Variants in CPED1 observed in about 807,000 individuals in gnomAD.
CPED1 encodes the protein cadherin like and PC-esterase domain containing 1.
CPED1 carries 114 observed loss-of-function variants against 128.2 expected under a neutral mutation model. That is an observed-to-expected ratio of 0.89 (90% CI 0.76 to 1.04). CPED1 has a LOEUF of 1.04. Ranked by LOEUF, CPED1 falls within the 50% of genes least tolerant of loss-of-function variation. The probability of loss-of-function intolerance (pLI) is 0.00; values close to 1 mark genes in which losing one functional copy is unlikely to be tolerated. For missense variants in CPED1, 1,211 were observed against 1,207.1 expected (o/e 1.00, Z -0.05); for synonymous variants, 462 against 426.7 (o/e 1.08, Z -1.02).
At chr7:121,207,185 A>G (rs1165326603) in intron 16 of CPED1, among the ~76,000 whole-genome samples, 1 of 152,000 alleles carries the variant, frequency 6.6e-6, no homozygotes, top group Non-Finnish European at 1.5e-5. Flanking sequence ...CTTTGCTACC[A>G]TAAATATTCC....
intron 18 of CPED1, among the ~76,000 whole-genome samples, chr7:121,252,513 C>T: frequency 6.6e-6 from 1 of 151,668 alleles, no homozygotes; most frequent in Non-Finnish European, 1.5e-5. Context: ...AAGAAACTAC[C>T]ATCAGAGTGA....
chr7:121,001,211 G>A (rs981491296), intron 2 of CPED1, among the ~76,000 whole-genome samples: 1 of 152,118 alleles, frequency 6.6e-6, no homozygotes, highest in African/African-American at 2.4e-5. Context: ...ATTCCACGGG[G>A]TTTCCAGGGA....
intron 16 of CPED1, among the ~76,000 whole-genome samples, chr7:121,173,711 A>G (rs2116475610): frequency 6.6e-6 from 1 of 152,168 alleles, no homozygotes; most frequent in Non-Finnish European, 1.5e-5. Flanking sequence ...ACGTGTCTTT[A>G]TGGTAGAATG....
chr7:121,027,950 G>A (rs117051948), intron 3 of CPED1, among the ~76,000 whole-genome samples: 3 of 152,138 alleles, frequency 2.0e-5, no homozygotes, highest in East Asian at 3.9e-4. Flanking sequence ...GATGAGGAGA[G>A]CAGAGGCGAC....
chr7:121,134,538 T>C (rs1247819018), intron 13 of CPED1, among the ~76,000 whole-genome samples: 1 of 152,014 alleles, frequency 6.6e-6, no homozygotes, highest in Non-Finnish European at 1.5e-5. Flanking sequence ...AAAAGTGGGA[T>C]GACTATTGTT....
chr7:121,060,283 G>GC (rs1793624064), intron 4 of CPED1, among the ~76,000 whole-genome samples: 1 of 152,234 alleles, frequency 6.6e-6, no homozygotes, highest in Middle Eastern at 3.2e-3. Flanking sequence ...GCTCCACGGC[G>GC]CCCAGTCCCA....
intron 12 of CPED1, among the ~76,000 whole-genome samples, chr7:121,133,310 G>T (rs1228406433): frequency 6.6e-6 from 1 of 152,108 alleles, no homozygotes; most frequent in Non-Finnish European, 1.5e-5. Flanking sequence ...AGAAAATTAG[G>T]TGAACACACC....
At chr7:121,277,724 T>A (rs909634279) in intron 22 of CPED1, among the ~76,000 whole-genome samples, 8 of 152,000 alleles carry the variant, frequency 5.3e-5, no homozygotes, top group Non-Finnish European at 8.8e-5. Context: ...ATGTGTGAGG[T>A]CATGCAGGTT....
intron 18 of CPED1, among the ~76,000 whole-genome samples, 176 bp downstream of exon 18, chr7:121,244,514 T>A (rs545529430): frequency 3.4e-4 from 52 of 152,334 alleles, no homozygotes; most frequent in Admixed American, 6.5e-4. Flanking sequence ...GCCTGAACAA[T>A]TCCCGCTCCA....
Position 121,199,547 on chromosome 7 carries a change from C to T in CPED1, c.2056-37167C>T, listed in dbSNP as rs1312672098. Among the ~76,000 whole-genome samples the T allele has an allele frequency of 2.6e-5, 4 of 151,030 alleles. No individual in the cohort carries two copies. In the East Asian group the frequency reaches 7.8e-4, roughly 30 times the overall value. On this transcript the variant is annotated intron_variant, in intron 16 of 22. Transcript: ENST00000310396. ...CAAAAATTAGCTGGGGGTGGTGGTG[C>T]ACACCTGTAGTCCCAGCTACTCAGA...
rs551191283 is a variant in CPED1, at chr7:121,187,972, C to T, written c.2055+45831C>T. Among the ~76,000 whole-genome samples the T allele has an allele frequency of 6.6e-5, 10 of 152,210 alleles. 1 individual carries two copies. The highest frequency in any genetic ancestry group is 6.2e-4 in the South Asian group (3 of 4,818). ...TGTAATGTTCATGTTTTGTTAGGCT[C>T]ATGATTCAAACAAACCAACTGTTTA... On this transcript the variant is annotated intron_variant, in intron 16 of 22. Coordinates refer to ENST00000310396, the MANE Select transcript of CPED1 (RefSeq NM_024913.5).
chr7:121,000,477 G>A (rs1282498294), intron 2 of CPED1, among the ~76,000 whole-genome samples: 6 of 152,052 alleles, frequency 3.9e-5, no homozygotes, highest in Non-Finnish European at 7.4e-5. Context: ...GGGTATTTAC[G>A]ATCCAAAATA....
At chr7:121,047,415 C>T (rs2538484) in intron 4 of CPED1, among the ~76,000 whole-genome samples, 1,743 of 152,074 alleles carry the variant, frequency 0.011, 31 homozygotes, top group African/African-American at 0.039. Flanking sequence ...TTAGTACTTA[C>T]TCTTTATATC....
intron 3 of CPED1, among the ~76,000 whole-genome samples, chr7:121,043,073 A>G (rs143368322): frequency 6.7e-6 from 1 of 148,794 alleles, no homozygotes; most frequent in East Asian, 1.9e-4. Context: ...ATGAGCATTT[A>G]CTCCAGTGCT....
At chr7:121,148,867 T>C (rs1353143019) in intron 16 of CPED1, among the ~76,000 whole-genome samples, 1 of 152,208 alleles carries the variant, frequency 6.6e-6, no homozygotes. Flanking sequence ...CTTCTCCGAC[T>C]GAAAAGTTTG....
At chr7:121,164,582 A>G (rs1490497021) in intron 16 of CPED1, among the ~76,000 whole-genome samples, 10 of 152,172 alleles carry the variant, frequency 6.6e-5, no homozygotes, top group Non-Finnish European at 1.5e-4. Flanking sequence ...GTGACTTTCC[A>G]GCTGATGCTG....
In CPED1 at chr7:121,186,744, C is replaced by T. The variant is rs1420344279; in HGVS notation, c.2055+44603C>T. Among the ~76,000 whole-genome samples the T allele has an allele frequency of 2.6e-5, 4 of 152,110 alleles. No individual in the cohort carries two copies. The South Asian group carries it at 6.2e-4, about 24-fold the overall frequency. Reference sequence around the variant, plus strand: ...GTCTAGTGGTTCTGGTTTCATCAAGCAATCAATAGCTGGATTTCTTACCCA... The same window carrying T: ...GTCTAGTGGTTCTGGTTTCATCAAGTAATCAATAGCTGGATTTCTTACCCA... On this transcript the variant is annotated intron_variant, in intron 16 of 22. Coordinates refer to ENST00000310396, the MANE Select transcript of CPED1 (RefSeq NM_024913.5).
chr7:121,000,362 A>G lies in CPED1; in HGVS notation c.249+10492A>G, dbSNP rs138335593. Among the ~76,000 whole-genome samples, 3 of 152,278 alleles carry G rather than the reference A, an allele frequency of 2.0e-5. No homozygotes were observed. In the East Asian group the frequency reaches 5.8e-4, roughly 29 times the overall value. On this transcript the variant is annotated intron_variant, in intron 2 of 22. Transcript: ENST00000310396. ...CATTAAGCATTTTGACTTACCACAT[A>G]TGGAGTTCGGAAAGAAACGTGACAA...
intron 5 of CPED1, among the ~76,000 whole-genome samples, chr7:121,095,196 T>G (rs554942716): frequency 6.6e-6 from 1 of 152,168 alleles, no homozygotes; most frequent in African/African-American, 2.4e-5. Flanking sequence ...GCTCTTTGAG[T>G]GTGTTGGTTG....
Sources: allele counts gnomAD v4.1 joint callset (sites outside exome capture counted in the v4.1 genomes callset), GRCh38; gene constraint gnomAD v4.1.1; transcripts MANE v1.5; gene names NCBI Gene and HGNC (gene_info 2026-07-23, HGNC 2026-07-21).